KRT16: variants seen among roughly 807,000 people sequenced by gnomAD.
The protein encoded by KRT16 is keratin, type I cytoskeletal 16.
Under a neutral mutation model 44.8 loss-of-function variants are expected in KRT16, and 42 were observed. The observed-to-expected ratio is 0.94, with a 90% confidence interval of 0.73 to 1.21. The LOEUF is 1.21. Among genes scored for constraint, KRT16 ranks in the 50% most tolerant of loss-of-function variants. KRT16 has a pLI of 0.00. For synonymous variants in KRT16, 226 were observed against 260.4 expected (o/e 0.87, Z 1.27); for missense variants, 561 against 626.9 (o/e 0.89, Z 1.12).
In KRT16 at chr17:41,610,445, A is replaced by G. The variant is rs1462334913; in HGVS notation, c.1166T>C (p.Leu389Pro). 4 of 1,612,080 alleles carry G rather than the reference A, an allele frequency of 2.5e-6. No individual in the cohort carries two copies. Among genetic ancestry groups the G allele is most frequent in the African/African-American group, 1.3e-5 (1 of 74,860 alleles). The part of the protein sequence containing the change: ...IGSVEEQLAQ[L>P]RCEMEQQSQE... Reference sequence around the variant, plus strand: ...GCTCTGCTGCTCCATCTCACAGCGTAGCTGGGCCAGCTGCTCCTCCACACT... The same window carrying G: ...GCTCTGCTGCTCCATCTCACAGCGTGGCTGGGCCAGCTGCTCCTCCACACT... The change falls in exon 6 of 8, where the codon CTA becomes CCA. Residue 389 changes from leucine to proline, a missense_variant. Coordinates refer to ENST00000301653, the MANE Select transcript of KRT16 (RefSeq NM_005557.4).
In KRT16 at chr17:41,610,507, G is replaced by C; in HGVS notation, c.1104C>G (p.Tyr368Ter). 6.2e-7 allele frequency: 1 copy of C among 1,612,140 alleles called. No individual in the cohort carries two copies. The highest frequency in any genetic ancestry group is 8.5e-7 in the Non-Finnish European group (1 of 1,179,878). ...CCTGGATCTGGGACAGCTGCATGCA[G>C]TAGCGGCCTTTGGTCTCCTCCAGGC... is the stretch of plus-strand genomic sequence containing the variant. Reference protein sequence around the residue: ...ENSLEETKGRYCMQLSQIQGL... With the variant: ...ENSLEETKGR Residue 368 changes from tyrosine to a stop codon, truncating the protein, a stop_gained, in exon 6 of 8, where the codon TAC (tyrosine) becomes TAG (stop). Transcript: ENST00000301653. LOFTEE classifies it high-confidence loss of function.
chr17:41,612,272 C>T lies in KRT16; in HGVS notation c.417G>A (p.Glu139=), dbSNP rs1204866098. ...TCACTTCCAGGTCGGCGTTGGCCTC[C>T]TCCAGAGCACGCACCTTGTCCAGGT... ...ASYLDKVRAL[E]EANADLEVKI... Residue 139 remains glutamate, a synonymous_variant, in exon 1 of 8, where the codon GAG becomes GAA. Coordinates refer to ENST00000301653, the MANE Select transcript of KRT16 (RefSeq NM_005557.4). The T allele has an allele frequency of 5.0e-6, 8 of 1,613,888 alleles. No homozygotes were observed. The highest frequency in any genetic ancestry group is 6.8e-6 in the Non-Finnish European group (8 of 1,180,028).
intron 1 of KRT16, 26 bp from the exon 2 acceptor site, chr17:41,611,747 C>A: frequency 1.9e-6 from 3 of 1,596,286 alleles, no homozygotes; most frequent in Non-Finnish European, 2.6e-6. Context: ...AGGACAGGAG[C>A]CCTGGTCAGC....
At chr17:41,610,577 T>A in intron 5 of KRT16, 26 bp from the exon 6 acceptor site, 5 of 1,610,476 alleles carry the variant, frequency 3.1e-6, no homozygotes, top group Non-Finnish European at 4.2e-6. Context: ...AGAAAAAGAG[T>A]CCATGGAGGT....
intron 6 of KRT16, 44 bp downstream of exon 6, chr17:41,610,287 G>A (rs565842111): frequency 6.2e-7 from 1 of 1,613,562 alleles, no homozygotes; most frequent in Non-Finnish European, 8.5e-7. Flanking sequence ...GCAGCAGGGG[G>A]GCTAAAGGGT....
Position 41,610,485 on chromosome 17 carries a change from G to T in KRT16, c.1126C>A (p.Gln376Lys). Reference sequence around the variant, plus strand: ...TCCTCCACACTGCCAATCAGTCCCTGGATCTGGGACAGCTGCATGCAGTAG... The same window carrying T: ...TCCTCCACACTGCCAATCAGTCCCTTGATCTGGGACAGCTGCATGCAGTAG... ...GRYCMQLSQI[Q>K]GLIGSVEEQL... Residue 376 changes from glutamine (Q) to lysine (K), a missense_variant, in exon 6 of 8, where the codon CAG becomes AAG. By Grantham distance (53) the Gln-to-Lys change is moderately conservative. Coordinates refer to ENST00000301653, the MANE Select transcript of KRT16 (RefSeq NM_005557.4). The T allele has an allele frequency of 1.9e-6, 3 of 1,612,184 alleles. No homozygotes were observed. The highest frequency in any genetic ancestry group is 2.5e-6 in the Non-Finnish European group (3 of 1,179,874).
Position 41,612,163 on chromosome 17 carries a change from T to C in KRT16, c.526A>G (p.Asn176Asp). Residue 176 changes from asparagine (N) to aspartate (D), a missense_variant, in exon 1 of 8, where the codon AAC (asparagine) becomes GAC (aspartate). Asn to Asp is a conservative substitution (Grantham distance 23). Coordinates refer to ENST00000301653, the MANE Select transcript of KRT16 (RefSeq NM_005557.4). Reference protein sequence around the residue: ...PYFKTIEDLRNKIIAATIENA... With the variant: ...PYFKTIEDLRDKIIAATIENA... ...CATACACCAAAGTCACCCACCTTGT[T>C]CCTCAGGTCCTCGATGGTCTTGAAG... 1.2e-6 allele frequency: 2 copies of C among 1,612,168 alleles called. No homozygotes were observed. The highest frequency in any genetic ancestry group is 1.7e-6 in the Non-Finnish European group (2 of 1,179,882).
Position 41,610,336 on chromosome 17 carries a change from A to G in KRT16, c.1275T>C (p.Asp425=), listed in dbSNP as rs1320789017. 1 of 1,613,056 alleles carries G rather than the reference A, an allele frequency of 6.2e-7. No individual in the cohort carries two copies. Among genetic ancestry groups the G allele is most frequent in the Admixed American group, 1.7e-5 (1 of 60,020 alleles). The change falls in exon 6 of 8, where the codon GAT becomes GAC. Residue 425 remains aspartate (D), a synonymous_variant. Transcript: ENST00000301653. The stretch of plus-strand genomic sequence containing the variant: ...CTGAGGGGCCTGGGACTCACTGGGC[A>G]TCCTCGCCCTCCAGCAGGCGGCGGT... ...ATYRRLLEGE[D]AHLSSQQASG...
At position 41,611,176 on chromosome 17, in the gene KRT16, C is replaced by T; in HGVS notation, c.826G>A (p.Ala276Thr). The T allele has an allele frequency of 6.2e-7, 1 of 1,614,008 alleles. No individual in the cohort carries two copies. Among genetic ancestry groups the T allele is most frequent in the Non-Finnish European group, 8.5e-7 (1 of 1,179,868 alleles). The change falls in exon 4 of 8, where the codon GCT becomes ACT. Residue 276 changes from alanine to threonine, a missense_variant. Physicochemically the swap from Ala to Thr is moderately conservative, Grantham distance 58. Coordinates refer to ENST00000301653, the MANE Select transcript of KRT16 (RefSeq NM_005557.4). Reference sequence around the variant, plus strand: ...CGGCTCAGGTCCACGCCAGGTGCAGCATCCATCTCCACGTTCACATCTCCG... The same window carrying T: ...CGGCTCAGGTCCACGCCAGGTGCAGTATCCATCTCCACGTTCACATCTCCG... ...TGGDVNVEMD[A>T]APGVDLSRIL...
At chr17:41,610,758 T>C in intron 5 of KRT16, 96 bp downstream of exon 5, 1 of 1,589,278 alleles carries the variant, frequency 6.3e-7, no homozygotes, top group South Asian at 1.1e-5. Context: ...GGTCCCATCC[T>C]GAGAAAAGAA....
In KRT16 at chr17:41,612,253, C is replaced by T. The variant is rs1908226170; in HGVS notation, c.436G>A (p.Glu146Lys). The stretch of plus-strand genomic sequence containing the variant: ...TGGTACCAGTCACGGATCTTCACTT[C>T]CAGGTCGGCGTTGGCCTCCTCCAGA... ...RALEEANADL[E>K]VKIRDWYQRQ... The change falls in exon 1 of 8, where the codon GAA becomes AAA. Residue 146 changes from glutamate to lysine, a missense_variant. Glu to Lys is a moderately conservative substitution (Grantham distance 56). Coordinates refer to ENST00000301653, the MANE Select transcript of KRT16 (RefSeq NM_005557.4). The T allele has an allele frequency of 6.2e-7, 1 of 1,613,740 alleles. No homozygotes were observed. Among genetic ancestry groups the T allele is most frequent in the Admixed American group, 1.7e-5 (1 of 60,002 alleles).
Position 41,611,508 on chromosome 17 carries a change from G to T in KRT16, c.615-7C>A. On this transcript the variant is annotated splice_polypyrimidine_tract_variant and splice_region_variant and intron_variant, in intron 2 of 7. Transcript: ENST00000301653. ...GGCCAGTTCATGCTCATACCTGGCA[G>T]GACAGAGGTCAGGTCCTCAGGCTGC... 1 of 1,613,456 alleles carries T rather than the reference G, an allele frequency of 6.2e-7. No homozygotes were observed. Among genetic ancestry groups the T allele is most frequent in the African/African-American group, 1.3e-5 (1 of 75,026 alleles).
intron 1 of KRT16, 181 bp downstream of exon 1, chr17:41,611,977 C>T: frequency 2.3e-6 from 2 of 859,278 alleles, no homozygotes; most frequent in South Asian, 1.4e-5. Context: ...GGTAACAGCC[C>T]CAGTCCGGGC....
In KRT16 at chr17:41,611,626, G is replaced by A; in HGVS notation, c.614+13C>T. ...TTGCCCTCTGCCCCCAGCCCACCAT[G>A]CTGGCTGCTCACTTGGTCCTGAAGT... On this transcript the variant is annotated intron_variant, in intron 2 of 7. Transcript: ENST00000301653. The A allele has an allele frequency of 1.9e-6, 3 of 1,610,388 alleles. No homozygotes were observed. The highest frequency in any genetic ancestry group is 2.5e-6 in the Non-Finnish European group (3 of 1,178,916).
At position 41,611,741 on chromosome 17, in the gene KRT16, C is replaced by G; in HGVS notation, c.532-20G>C. On this transcript the variant is annotated intron_variant, in intron 1 of 7. Coordinates refer to ENST00000301653, the MANE Select transcript of KRT16 (RefSeq NM_005557.4). ...AATGATCTGGAGTGGGGATGGAGGACAGGAGCCCTGGTCAGCCAAGGACCT... is the reference window on the plus strand; with the variant it reads ...AATGATCTGGAGTGGGGATGGAGGAGAGGAGCCCTGGTCAGCCAAGGACCT... 1.9e-6 allele frequency: 3 copies of G among 1,603,796 alleles called. No homozygotes were observed. The highest frequency in any genetic ancestry group is 2.6e-6 in the Non-Finnish European group (3 of 1,174,704).
chr17:41,612,634 C>T lies in KRT16; in HGVS notation c.55G>A (p.Gly19Ser), dbSNP rs373193001. ...TSSSSMKGSCGIGGGIGGGSS... is the reference protein window; with the variant it reads ...TSSSSMKGSCSIGGGIGGGSS... ...CCGCCCCCGATGCCGCCTCCGATGC[C>T]GCAGGAGCCCTTCATGGAGCTGGAG... The change falls in exon 1 of 8, where the codon GGC (glycine) becomes AGC (serine). Residue 19 changes from glycine (G) to serine (S), a missense_variant. By Grantham distance (56) the Gly-to-Ser change is moderately conservative. Coordinates refer to ENST00000301653, the MANE Select transcript of KRT16 (RefSeq NM_005557.4). 1.3e-5 allele frequency: 21 copies of T among 1,600,034 alleles called. No homozygotes were observed. The highest frequency in any genetic ancestry group is 3.4e-5 in the Admixed American group (2 of 58,380).
intron 5 of KRT16, 60 bp downstream of exon 5, chr17:41,610,794 G>C: frequency 6.2e-7 from 1 of 1,611,102 alleles, no homozygotes; most frequent in Non-Finnish European, 8.5e-7. Flanking sequence ...GTGGCTTTTT[G>C]AGGGGGTGGT....
In KRT16 at chr17:41,610,479, G is replaced by T; in HGVS notation, c.1132C>A (p.Leu378Met). ...YCMQLSQIQG[L>M]IGSVEEQLAQ... ...AGCTGCTCCTCCACACTGCCAATCA[G>T]TCCCTGGATCTGGGACAGCTGCATG... The change falls in exon 6 of 8, where the codon CTG becomes ATG. Residue 378 changes from leucine (L) to methionine (M), a missense_variant. Transcript: ENST00000301653. The T allele has an allele frequency of 2.5e-6, 4 of 1,612,180 alleles. No homozygotes were observed. Among genetic ancestry groups the T allele is most frequent in the Non-Finnish European group, 3.4e-6 (4 of 1,179,864 alleles).
At position 41,612,156 on chromosome 17, in the gene KRT16, A is replaced by G; in HGVS notation, c.531+2T>C. Reference sequence around the variant, plus strand: ...AGTGCTCCATACACCAAAGTCACCCACCTTGTTCCTCAGGTCCTCGATGGT... The same window carrying G: ...AGTGCTCCATACACCAAAGTCACCCGCCTTGTTCCTCAGGTCCTCGATGGT... On this transcript the variant is annotated splice_donor_variant, in intron 1 of 7. Coordinates refer to ENST00000301653, the MANE Select transcript of KRT16 (RefSeq NM_005557.4). LOFTEE classifies it high-confidence loss of function. 1 of 1,611,966 alleles carries G rather than the reference A, an allele frequency of 6.2e-7. No homozygotes were observed. The highest frequency in any genetic ancestry group is 8.5e-7 in the Non-Finnish European group (1 of 1,179,842).
Sources: allele counts gnomAD v4.1 joint callset, GRCh38; gene constraint gnomAD v4.1.1; transcripts MANE v1.5; gene names NCBI Gene and HGNC (gene_info 2026-07-23, HGNC 2026-07-21).